The following TTN variants were observed in gnomAD, a reference collection of about 807,000 sequenced individuals.
The protein encoded by TTN is titin.
Under a neutral mutation model 3,223.0 loss-of-function variants are expected in TTN, and 1,525 were observed. That is an observed-to-expected ratio of 0.47 (90% CI 0.45 to 0.49). The LOEUF is 0.49. Among genes scored for constraint, TTN ranks in the 20% least tolerant of loss-of-function variants. The pLI, the probability that TTN is intolerant of heterozygous loss-of-function variation, is 0.00. For missense variants in TTN, 40,786 were observed against 43,424.0 expected (o/e 0.94, Z 5.40); for synonymous variants, 14,094 against 15,161.0 (o/e 0.93, Z 5.17).
At chr2:178,732,785 A>G in intron 55 of TTN, 49 bp downstream of exon 55, 1 of 1,568,970 alleles carries the variant, frequency 6.4e-7, no homozygotes, top group Non-Finnish European at 8.6e-7. Flanking sequence ...AGATGACTTA[A>G]TTTGAACATA....
At position 178,715,043 on chromosome 2, in the gene TTN, A is replaced by G. The variant is rs2077266576; in HGVS notation, c.26143T>C (p.Cys8715Arg). 3 of 1,613,430 alleles carry G rather than the reference A, an allele frequency of 1.9e-6. No individual in the cohort carries two copies. The highest frequency in any genetic ancestry group is 2.5e-6 in the Non-Finnish European group (3 of 1,179,650). ...CTTCCCACATCATTTGTGGCTTTAC[A>G]CTGATATTCCCCAATGTCTGCAGCA... ...VDAADIGEYQ[C>R]KATNDVGSDT... Residue 8715 changes from cysteine (C) to arginine (R), a missense_variant, in exon 90 of 363, where the codon TGT (cysteine) becomes CGT (arginine). Cys to Arg is a radical substitution (Grantham distance 180, BLOSUM62 -3). Transcript: ENST00000589042.
chr2:178,768,251 C>G, intron 38 of TTN, 96 bp from the exon 39 acceptor site: 1 of 1,388,384 alleles, frequency 7.2e-7, no homozygotes. Flanking sequence ...GTATACAATT[C>G]AATGAATTTC....
chr2:178,715,606 G>A lies in TTN; in HGVS notation c.25808C>T (p.Ser8603Leu), dbSNP rs781354478. The change falls in exon 89 of 363, where the codon TCG becomes TTG. Residue 8603 changes from serine to leucine, a missense_variant. By Grantham distance (145) the Ser-to-Leu change is moderately radical (BLOSUM62 -2). Coordinates refer to ENST00000589042, the MANE Select transcript of TTN (RefSeq NM_001267550.2). ...SSKFRMSFVD[S>L]VAVLEMHNLS... ...ATTGTGCATTTCCAGCACAGCCACC[G>A]AGTCAACGAATGACATTCTGAATTT... The A allele has an allele frequency of 6.8e-6, 11 of 1,613,386 alleles. No homozygotes were observed. The highest frequency in any genetic ancestry group is 4.4e-5 in the South Asian group (4 of 91,058).
chr2:178,733,039 T>C lies in TTN; in HGVS notation c.16137A>G (p.Lys5379=). 1 of 1,613,402 alleles carries C rather than the reference T, an allele frequency of 6.2e-7. No homozygotes were observed. Among genetic ancestry groups the C allele is most frequent in the South Asian group, 1.1e-5 (1 of 91,032 alleles). The change falls in exon 55 of 363, where the codon AAA becomes AAG. Residue 5379 remains lysine (K), a synonymous_variant. Coordinates refer to ENST00000589042, the MANE Select transcript of TTN (RefSeq NM_001267550.2). ...VVNGTCRLDC[K]IAGSLPMRVS... is the part of the protein sequence containing the mutation. ...CCCTCATGGGGAGGGAGCCTGCAAT[T>C]TTGCAGTCCAGTCTGCAGGTACCAT...
At chr2:178,609,600 C>A (rs376164268) in intron 272 of TTN, 30 bp from the exon 273 acceptor site, 2 of 1,559,938 alleles carry the variant, frequency 1.3e-6, no homozygotes, top group Non-Finnish European at 1.7e-6. Flanking sequence ...TAAATGTTTT[C>A]AATTCTGATG....
chr2:178,628,620 G>A (rs377003538), intron 240 of TTN: 1 of 152,118 alleles, frequency 6.6e-6, no homozygotes, highest in East Asian at 1.9e-4. Context: ...CATAAAGAAT[G>A]TTAGTAAAAG....
In TTN at chr2:178,651,980, G is replaced by C; in HGVS notation, c.39296-13C>G. On this transcript the variant is annotated splice_polypyrimidine_tract_variant and intron_variant, in intron 204 of 362. Coordinates refer to ENST00000589042, the MANE Select transcript of TTN (RefSeq NM_001267550.2). ...GGCTCCTCGAACACTTTAAAGACAT[G>C]AGCTCATTTTAATGCCAGAATTGAC... 1 of 1,610,666 alleles carries C rather than the reference G, an allele frequency of 6.2e-7. No individual in the cohort carries two copies.
Position 178,725,927 on chromosome 2 carries a change from G to A in TTN, c.20395C>T (p.Arg6799Trp), listed in dbSNP as rs751534449. Reference sequence around the variant, plus strand: ...TATTTCTTGCTGCTTCTGAGTTGCCGCTTGTCTTTGTACCATACCACCTCA... The same window carrying A: ...TATTTCTTGCTGCTTCTGAGTTGCCACTTGTCTTTGTACCATACCACCTCA... ...PFEVVWYKDK[R>W]QLRSSKKYKI... is the part of the protein sequence containing the mutation. Residue 6799 changes from arginine to tryptophan, a missense_variant, in exon 70 of 363, where the codon CGG becomes TGG. By Grantham distance (101) the Arg-to-Trp change is moderately radical (BLOSUM62 -3). Transcript: ENST00000589042. 2.3e-5 allele frequency: 37 copies of A among 1,612,790 alleles called. No homozygotes were observed. The highest frequency in any genetic ancestry group is 3.1e-5 in the Non-Finnish European group (36 of 1,179,402).
Position 178,565,613 on chromosome 2 carries a change from A to C in TTN, c.80519T>G (p.Val26840Gly). ...VAESKVCNAV[V>G]TGLSSGQEYQ... ...TTCTTGTCCAGAACTCAAACCAGTA[A>C]CAACTGCATTACAGACTTTGGATTC... The change falls in exon 326 of 363, where the codon GTT becomes GGT. Residue 26840 changes from valine (V) to glycine (G), a missense_variant. Coordinates refer to ENST00000589042, the MANE Select transcript of TTN (RefSeq NM_001267550.2). 6.2e-7 allele frequency: 1 copy of C among 1,613,626 alleles called. No individual in the cohort carries two copies. Among genetic ancestry groups the C allele is most frequent in the African/African-American group, 1.3e-5 (1 of 75,020 alleles).
chr2:178,715,788 A>C lies in TTN; in HGVS notation c.25640-14T>G. On this transcript the variant is annotated splice_polypyrimidine_tract_variant and intron_variant, in intron 88 of 362. Coordinates refer to ENST00000589042, the MANE Select transcript of TTN (RefSeq NM_001267550.2). Reference sequence around the variant, plus strand: ...ACCTGGGTGGTTCTATGGAACCAAGAGGAAAAACACAGGGTAAGGGATGGA... The same window carrying C: ...ACCTGGGTGGTTCTATGGAACCAAGCGGAAAAACACAGGGTAAGGGATGGA... The C allele has an allele frequency of 1.3e-6, 2 of 1,566,202 alleles. No individual in the cohort carries two copies. The highest frequency in any genetic ancestry group is 1.7e-6 in the Non-Finnish European group (2 of 1,153,676).
At position 178,620,480 on chromosome 2, in the gene TTN, G is replaced by C; in HGVS notation, c.46041C>G (p.Val15347=). 1 of 1,612,412 alleles carries C rather than the reference G, an allele frequency of 6.2e-7. No individual in the cohort carries two copies. Among genetic ancestry groups the C allele is most frequent in the East Asian group, 2.2e-5 (1 of 44,706 alleles). The change falls in exon 248 of 363, where the codon GTC becomes GTG. Residue 15347 remains valine, a synonymous_variant. Coordinates refer to ENST00000589042, the MANE Select transcript of TTN (RefSeq NM_001267550.2). ...NGEEVPFDNR[V]SYRVDKYKHM... ...GCTTGTACTTATCAACTCTGTATGA[G>C]ACACGGTTGTCAAAAGGCACTTCTT... is the stretch of plus-strand genomic sequence containing the variant.
intron 87 of TTN, 45 bp from the exon 88 acceptor site, chr2:178,717,427 C>T: frequency 1.3e-6 from 2 of 1,578,670 alleles, no homozygotes; most frequent in South Asian, 1.2e-5. Context: ...TTTCCATGCT[C>T]TCACATACAG....
At chr2:178,752,063 T>C in intron 47 of TTN, 1 of 1,512,170 alleles carries the variant, frequency 6.6e-7, no homozygotes, top group Non-Finnish European at 9.0e-7. Context: ...AAAAAACCTT[T>C]ACTATTTTCC....
Position 178,778,003 on chromosome 2 carries a change from C to T in TTN, c.4209-28G>A, listed in dbSNP as rs772928697. The T allele has an allele frequency of 3.7e-5, 60 of 1,608,756 alleles. No individual in the cohort carries two copies. The South Asian group carries it at 6.3e-4, about 17-fold the overall frequency. On this transcript the variant is annotated intron_variant, in intron 24 of 362. Coordinates refer to ENST00000589042, the MANE Select transcript of TTN (RefSeq NM_001267550.2). ...GCAAAACAAAGACACACAATACTTT[C>T]GTGAGGCATAAAGAAAACTCAGCAA...
At position 178,584,317 on chromosome 2, in the gene TTN, G is replaced by A. The variant is rs2048457148; in HGVS notation, c.65234C>T (p.Pro21745Leu). The A allele has an allele frequency of 1.9e-6, 3 of 1,600,084 alleles. No homozygotes were observed. Among genetic ancestry groups the A allele is most frequent in the Non-Finnish European group, 2.6e-6 (3 of 1,170,438 alleles). The change falls in exon 311 of 363, where the codon CCC becomes CTC. Residue 21745 changes from proline to leucine, a missense_variant. Pro to Leu is a moderately conservative substitution (Grantham distance 98, BLOSUM62 -3). Coordinates refer to ENST00000589042, the MANE Select transcript of TTN (RefSeq NM_001267550.2). ...AGTTACATATTCTGTGGGTTTGCTG[G>A]GTGGGCTGGATCCAGCTTTGTTTAG... ...YALNKAGSSP[P>L]SKPTEYVTAR...
chr2:178,559,558 G>C lies in TTN; in HGVS notation c.86574C>G (p.Thr28858=). The change falls in exon 326 of 363, where the codon ACC becomes ACG. Residue 28858 remains threonine, a synonymous_variant. Transcript: ENST00000589042. ...PPTNITVQDV[T]KESAVLSWDV... ...CCCAGGATAACACTGCAGACTCTTTGGTTACATCTTGCACAGTAATGTTGG... is the reference window on the plus strand; with the variant it reads ...CCCAGGATAACACTGCAGACTCTTTCGTTACATCTTGCACAGTAATGTTGG... The C allele has an allele frequency of 6.2e-7, 1 of 1,613,758 alleles. No individual in the cohort carries two copies. Among genetic ancestry groups the C allele is most frequent in the Non-Finnish European group, 8.5e-7 (1 of 1,179,764 alleles).
In TTN at chr2:178,611,903, T is replaced by C. The variant is rs761437292; in HGVS notation, c.50406A>G (p.Gly16802=). 1 of 1,612,752 alleles carries C rather than the reference T, an allele frequency of 6.2e-7. No homozygotes were observed. Among genetic ancestry groups the C allele is most frequent in the Non-Finnish European group, 8.5e-7 (1 of 1,179,252 alleles). Residue 16802 remains glycine, a synonymous_variant, in exon 268 of 363, where the codon GGA becomes GGG. Transcript: ENST00000589042. The stretch of plus-strand genomic sequence containing the variant: ...AGTTACAGTCAGGTCCTGCAGTCTT[T>C]CCAGCTTTCACCCAACGGGTACCTA... The part of the protein sequence containing the change: ...ERLGTRWVKA[G]KTAGPDCNFR...
intron 2 of TTN, 139 bp from the exon 3 acceptor site, chr2:178,802,480 C>T (rs934464790): frequency 1.9e-5 from 18 of 969,166 alleles, no homozygotes; most frequent in Admixed American, 4.1e-5. Flanking sequence ...AGGGAAAACC[C>T]TACAGTTGCA....
Position 178,547,276 on chromosome 2 carries a change from C to T in TTN, c.94249G>A (p.Val31417Ile), listed in dbSNP as rs1188866872. The part of the protein sequence containing the change: ...VPPSAPTRPE[V>I]YHVSANAMSI... ...ATGGCATTGGCAGACACATGGTAGA[C>T]CTCAGGTCTGGTAGGAGCGCTTGGT... is the stretch of plus-strand genomic sequence containing the variant. Residue 31417 changes from valine to isoleucine, a missense_variant, in exon 340 of 363, where the codon GTC becomes ATC. Coordinates refer to ENST00000589042, the MANE Select transcript of TTN (RefSeq NM_001267550.2). The T allele has an allele frequency of 6.2e-7, 1 of 1,612,780 alleles. No individual in the cohort carries two copies. Among genetic ancestry groups the T allele is most frequent in the Non-Finnish European group, 8.5e-7 (1 of 1,179,130 alleles).
Sources: gnomAD v4.1 joint callset for allele counts on GRCh38, gnomAD v4.1.1 for gene constraint, MANE v1.5 for transcripts, NCBI Gene and HGNC (gene_info 2026-07-23, HGNC 2026-07-21) for gene names.